The following MYO18B variants were observed in gnomAD, a reference collection of about 807,000 sequenced individuals.
The protein encoded by MYO18B is myosin XVIIIB.
A neutral mutation model predicts 273.0 loss-of-function variants in MYO18B; 204 were observed. The observed-to-expected ratio is 0.75, with a 90% confidence interval of 0.67 to 0.84. The LOEUF is 0.84. Ranked by LOEUF, MYO18B falls within the 40% of genes least tolerant of loss-of-function variation. The probability of loss-of-function intolerance (pLI) is 0.00; values close to 1 mark genes in which losing one functional copy is unlikely to be tolerated. For missense variants in MYO18B, 3,212 were observed against 3,287.6 expected (o/e 0.98, Z 0.56); for synonymous variants, 1,330 against 1,305.7 (o/e 1.02, Z -0.40).
intron 6 of MYO18B, among the ~76,000 whole-genome samples, chr22:25,772,125 T>C (rs2086743062): frequency 6.6e-6 from 1 of 152,196 alleles, no homozygotes. Context: ...GCCTCATAGG[T>C]TGCACAGAGG....
At position 25,950,973 on chromosome 22, in the gene MYO18B, GAA is replaced by G. The variant is rs368279078; in HGVS notation, c.5832+524_5832+525del. Among the ~76,000 whole-genome samples, 448 of 152,312 alleles carry G rather than the reference GAA, an allele frequency of 2.9e-3. 2 individuals carry two copies. Among genetic ancestry groups the G allele is most frequent in the African/African-American group, 0.01 (426 of 41,578 alleles). On this transcript the variant is annotated intron_variant, in intron 37 of 43. Coordinates refer to ENST00000335473, the MANE Select transcript of MYO18B (RefSeq NM_032608.7). ...AGCCAGTCCGAGTCCCAAAACTGAA[GAA>G]CTTGGAATTCAATGTTCAAGGGCAA...
chr22:25,778,383 T>A (rs1473753661), intron 8 of MYO18B, among the ~76,000 whole-genome samples: 1 of 152,016 alleles, frequency 6.6e-6, no homozygotes, highest in Admixed American at 6.6e-5. Flanking sequence ...TAAAAAAGAG[T>A]ACCAATTAAT....
chr22:25,828,787 C>G lies in MYO18B; in HGVS notation c.2798C>G (p.Ser933Cys). Residue 933 changes from serine (S) to cysteine (C), a missense_variant, in exon 15 of 44, where the codon TCC becomes TGC. Transcript: ENST00000335473. ...VVSLINRSFS[S>C]HHLSMASIMV... Reference sequence around the variant, plus strand: ...TCTTCTCTCCCTAGATCCTTTTCCTCCCACCATCTCTCCATGGCCTCCATC... The same window carrying G: ...TCTTCTCTCCCTAGATCCTTTTCCTGCCACCATCTCTCCATGGCCTCCATC... The G allele has an allele frequency of 6.2e-7, 1 of 1,613,536 alleles. No homozygotes were observed.
intron 1 of MYO18B, among the ~76,000 whole-genome samples, chr22:25,754,165 A>G (rs2086034867): frequency 6.6e-6 from 1 of 152,168 alleles, no homozygotes; most frequent in Non-Finnish European, 1.5e-5. Context: ...TGGGATTGGG[A>G]GTTAAGCTGC....
In MYO18B at chr22:25,843,764, C is replaced by G. The variant is rs1178089282; in HGVS notation, c.3238C>G (p.Pro1080Ala). 1 of 1,613,690 alleles carries G rather than the reference C, an allele frequency of 6.2e-7. No individual in the cohort carries two copies. Among genetic ancestry groups the G allele is most frequent in the African/African-American group, 1.3e-5 (1 of 74,930 alleles). Reference protein sequence around the residue: ...GSSALRTCEQPLQCEIFHQLG... With the variant: ...GSSALRTCEQALQCEIFHQLG... Reference sequence around the variant, plus strand: ...CTCTGCCCTGCGGACCTGTGAGCAGCCCCTCCAGTGTGAGATTTTCCACCA... The same window carrying G: ...CTCTGCCCTGCGGACCTGTGAGCAGGCCCTCCAGTGTGAGATTTTCCACCA... The change falls in exon 18 of 44, where the codon CCC becomes GCC. Residue 1080 changes from proline to alanine, a missense_variant. Pro to Ala is a conservative substitution (Grantham distance 27). Coordinates refer to ENST00000335473, the MANE Select transcript of MYO18B (RefSeq NM_032608.7).
chr22:25,985,697 T>C (rs2146812056), intron 39 of MYO18B, among the ~76,000 whole-genome samples: 1 of 151,420 alleles, frequency 6.6e-6, no homozygotes, highest in Non-Finnish European at 1.5e-5. Flanking sequence ...TGGCGCAATC[T>C]CGGCTCAATG....
rs533165582 is a variant in MYO18B at position 25,822,057 on chromosome 22, T to TA, written c.2522-1446dup. Among the ~76,000 whole-genome samples the TA allele has an allele frequency of 1.4e-3, 217 of 152,362 alleles. 9 individuals carry two copies. In the South Asian group the frequency reaches 0.044, roughly 31 times the overall value. ...CCATGGTATGCACAGTCTTCACTGC[T>TA]AATTTTAAATGGCTTTATAATGGTC... is the stretch of plus-strand genomic sequence containing the variant. On this transcript the variant is annotated intron_variant, in intron 12 of 43. Transcript: ENST00000335473.
rs1213606364 is a variant in MYO18B at position 25,843,711 on chromosome 22, T to G, written c.3209-24T>G. On this transcript the variant is annotated intron_variant, in intron 17 of 43. Coordinates refer to ENST00000335473, the MANE Select transcript of MYO18B (RefSeq NM_032608.7). ...GAGTGTCCTCAACAGGCTCCAGCAC[T>G]CATGCCACCATGTCTGTTTCCAGGG... 3.1e-6 allele frequency: 5 copies of G among 1,605,150 alleles called. No homozygotes were observed. In the South Asian group the frequency reaches 3.3e-5, roughly 11 times the overall value.
chr22:25,830,695 C>T (rs1569081391), intron 15 of MYO18B, among the ~76,000 whole-genome samples: 1 of 152,284 alleles, frequency 6.6e-6, no homozygotes. Flanking sequence ...GACTTGAGGC[C>T]TGCACAGAAT....
chr22:25,742,797 A>G (rs947136328), intron 1 of MYO18B, among the ~76,000 whole-genome samples: 1 of 152,168 alleles, frequency 6.6e-6, no homozygotes, highest in African/African-American at 2.4e-5. Flanking sequence ...TTAAGCATGT[A>G]TGAGTGTTGG....
chr22:25,847,769 C>T (rs778870409), intron 20 of MYO18B, 117 bp downstream of exon 20: 1 of 711,536 alleles, frequency 1.4e-6, no homozygotes, highest in Non-Finnish European at 2.3e-6. Flanking sequence ...CACCCAGCAT[C>T]CTGGTTACTC....
At chr22:25,792,498 T>TC (rs1491288401) in intron 11 of MYO18B, among the ~76,000 whole-genome samples, 2 of 17,598 alleles carry the variant, frequency 1.1e-4, no homozygotes, top group African/African-American at 2.2e-4. Flanking sequence ...TTTTCTTTTC[T>TC]TTTTTTTTTT....
At position 25,835,323 on chromosome 22, in the gene MYO18B, C is replaced by G; in HGVS notation, c.3088C>G (p.Gln1030Glu). 6.2e-7 allele frequency: 1 copy of G among 1,613,890 alleles called. No individual in the cohort carries two copies. The change falls in exon 17 of 44, where the codon CAG (glutamine) becomes GAG (glutamate). Residue 1030 changes from glutamine to glutamate, a missense_variant. Transcript: ENST00000335473. ...CCGCTTACCAGCTGGAGGAGGTGCC[C>G]AGGATGCCAGAGGCCTTTTCTGGGT... Reference protein sequence around the residue: ...QVRLPAGGGAQDARGLFWVLD... With the variant: ...QVRLPAGGGAEDARGLFWVLD...
In MYO18B at chr22:25,968,802, C is replaced by T. The variant is rs192159214; in HGVS notation, c.6156+13438C>T. ...GGACTCACTTTCTCTCTCTGTAAAACGGACCAGACGACTTTTAAAGCTCTT... is the reference window on the plus strand; with the variant it reads ...GGACTCACTTTCTCTCTCTGTAAAATGGACCAGACGACTTTTAAAGCTCTT... On this transcript the variant is annotated intron_variant, in intron 39 of 43. Coordinates refer to ENST00000335473, the MANE Select transcript of MYO18B (RefSeq NM_032608.7). Among the ~76,000 whole-genome samples the T allele has an allele frequency of 3.9e-5, 6 of 152,224 alleles. No individual in the cohort carries two copies. In the East Asian group the frequency reaches 5.8e-4, roughly 15 times the overall value.
chr22:25,878,222 G>C (rs2091254115), intron 25 of MYO18B, among the ~76,000 whole-genome samples, 174 bp downstream of exon 25: 1 of 152,140 alleles, frequency 6.6e-6, no homozygotes, highest in Non-Finnish European at 1.5e-5. Context: ...AGGAAATTGA[G>C]GCCCTGGGAT....
intron 1 of MYO18B, among the ~76,000 whole-genome samples, chr22:25,748,793 C>T (rs133860): frequency 0.43 from 64,848 of 152,082 alleles, 17,038 homozygotes; most frequent in African/African-American, 0.75. Context: ...GTTGTGAGCA[C>T]GGTCTGAATC....
chr22:25,872,589 C>T (rs1426803985), intron 22 of MYO18B, among the ~76,000 whole-genome samples: 2 of 152,150 alleles, frequency 1.3e-5, no homozygotes, highest in Non-Finnish European at 2.9e-5. Flanking sequence ...GATAATTGTA[C>T]CCTTGTCTGA....
At chr22:25,848,293 G>A (rs925476485) in intron 20 of MYO18B, among the ~76,000 whole-genome samples, 5 of 152,294 alleles carry the variant, frequency 3.3e-5, no homozygotes, top group Middle Eastern at 6.8e-3. Context: ...AGGCCCTGAG[G>A]CCTAAAGGAG....
At chr22:25,890,090 A>G (rs1481617183) in intron 25 of MYO18B, among the ~76,000 whole-genome samples, 2 of 152,264 alleles carry the variant, frequency 1.3e-5, no homozygotes, top group Non-Finnish European at 2.9e-5. Context: ...CTTCCAAGGC[A>G]TTCAACCTAG....
Sources: allele counts gnomAD v4.1 joint callset (sites outside exome capture counted in the v4.1 genomes callset), GRCh38; gene constraint gnomAD v4.1.1; transcripts MANE v1.5; gene names NCBI Gene and HGNC (gene_info 2026-07-23, HGNC 2026-07-21).